MARK3: variants seen among roughly 807,000 people sequenced by gnomAD.
The protein encoded by MARK3 is microtubule affinity regulating kinase 3, also known as MAP/microtubule affinity-regulating kinase 3.
In MARK3, 46 loss-of-function variants were observed where a neutral mutation model predicts 90.1. The ratio of observed to expected loss-of-function variants is 0.51; its 90% CI spans 0.40 to 0.65. The LOEUF is 0.65. MARK3 is among the 30% of genes least tolerant of loss of function. The probability of loss-of-function intolerance (pLI) is 0.00; values close to 1 mark genes in which losing one functional copy is unlikely to be tolerated. For missense variants in MARK3, 818 were observed against 947.2 expected (o/e 0.86, Z 1.79); for synonymous variants, 321 against 332.6 (o/e 0.97, Z 0.38).
At chr14:103,491,004 A>G (rs972345423) in intron 14 of MARK3, 16 of 1,288,360 alleles carry the variant, frequency 1.2e-5, no homozygotes, top group African/African-American at 7.6e-5. Flanking sequence ...TTGTACATCT[A>G]CCTGTCGGCT....
chr14:103,475,813 C>T (rs932899240), intron 13 of MARK3, among the ~76,000 whole-genome samples: 12 of 152,026 alleles, frequency 7.9e-5, no homozygotes, highest in Non-Finnish European at 4.4e-5. Context: ...GGCGTGGTGG[C>T]AGGCACCTGT....
intron 4 of MARK3, among the ~76,000 whole-genome samples, chr14:103,450,921 C>A (rs368199718): frequency 5.7e-5 from 3 of 52,638 alleles, no homozygotes; most frequent in East Asian, 6.5e-4. Context: ...TGTGTGTATT[C>A]TTTTTTTTTT....
chr14:103,410,609 G>A (rs2091572984), intron 2 of MARK3, among the ~76,000 whole-genome samples: 1 of 152,180 alleles, frequency 6.6e-6, no homozygotes, highest in Non-Finnish European at 1.5e-5. Flanking sequence ...GCCAAGGCAA[G>A]GAGGATCACT....
intron 3 of MARK3, among the ~76,000 whole-genome samples, chr14:103,442,574 C>G (rs1018167149): frequency 6.6e-6 from 1 of 152,028 alleles, no homozygotes; most frequent in African/African-American, 2.4e-5. Context: ...GGCTATAGTT[C>G]TAATGTAGAG....
chr14:103,426,342 A>G (rs1222745360), intron 2 of MARK3, among the ~76,000 whole-genome samples: 1 of 149,020 alleles, frequency 6.7e-6, no homozygotes, highest in Non-Finnish European at 1.5e-5. Flanking sequence ...GATACAACCC[A>G]CATTTGGGGG....
chr14:103,483,779 C>T (rs1469676971), intron 14 of MARK3, among the ~76,000 whole-genome samples: 2 of 152,194 alleles, frequency 1.3e-5, no homozygotes, highest in Non-Finnish European at 2.9e-5. Flanking sequence ...GGCCAGATTC[C>T]AGGCGTGACT....
chr14:103,407,966 A>G (rs1027922129), intron 2 of MARK3, among the ~76,000 whole-genome samples: 1 of 152,036 alleles, frequency 6.6e-6, no homozygotes, highest in African/African-American at 2.4e-5. Context: ...ATCATTGACA[A>G]ATCCCCTTTC....
intron 17 of MARK3, among the ~76,000 whole-genome samples, chr14:103,502,071 G>A (rs1376937292): frequency 1.3e-5 from 2 of 152,190 alleles, no homozygotes; most frequent in Non-Finnish European, 2.9e-5. Flanking sequence ...ACGGCTTGTG[G>A]CAATAATGAC....
At chr14:103,458,374 G>T (rs558763845) in intron 6 of MARK3, among the ~76,000 whole-genome samples, 4 of 144,080 alleles carry the variant, frequency 2.8e-5, no homozygotes, top group African/African-American at 1.0e-4. Context: ...CAGGAGAATC[G>T]CTTGAACCTG....
intron 2 of MARK3, among the ~76,000 whole-genome samples, chr14:103,407,386 A>G (rs2091366063): frequency 6.6e-6 from 1 of 151,944 alleles, no homozygotes; most frequent in African/African-American, 2.4e-5. Context: ...CTTTTCTCAT[A>G]GCGTATGTTT....
At chr14:103,442,958 C>T (rs1225389389) in intron 3 of MARK3, among the ~76,000 whole-genome samples, 1 of 149,900 alleles carries the variant, frequency 6.7e-6, no homozygotes, top group Non-Finnish European at 1.5e-5. Flanking sequence ...CCCCTCCCAC[C>T]GACAAGGAAG....
intron 1 of MARK3, 25 bp from the exon 2 acceptor site, chr14:103,405,051 T>C (rs748177952): frequency 2.4e-5 from 39 of 1,594,606 alleles, no homozygotes; most frequent in Non-Finnish European, 3.2e-5. Flanking sequence ...CTCATTTCCT[T>C]ATCTTTGTGT....
At chr14:103,408,525 CAA>C (rs2091448658) in intron 2 of MARK3, among the ~76,000 whole-genome samples, 1 of 152,138 alleles carries the variant, frequency 6.6e-6, no homozygotes, top group South Asian at 2.1e-4. Context: ...GCTTTTAAAA[CAA>C]ATGCTCTCCC....
intron 2 of MARK3, among the ~76,000 whole-genome samples, chr14:103,409,986 T>TA (rs2091537836): frequency 6.6e-6 from 1 of 152,218 alleles, no homozygotes; most frequent in South Asian, 2.1e-4. Flanking sequence ...GACATTGTAA[T>TA]AGATACTACT....
intron 14 of MARK3, among the ~76,000 whole-genome samples, chr14:103,486,378 G>A (rs1012947351): frequency 2.6e-5 from 4 of 151,924 alleles, no homozygotes; most frequent in Admixed American, 2.6e-4. Flanking sequence ...GATGGAGGTT[G>A]TAGTGAGCCG....
At chr14:103,425,483 G>A (rs772008447) in intron 2 of MARK3, among the ~76,000 whole-genome samples, 2 of 151,670 alleles carry the variant, frequency 1.3e-5, no homozygotes, top group Non-Finnish European at 2.9e-5. Flanking sequence ...GGCTGGTCTC[G>A]AACTCCTGAC....
At chr14:103,405,576 T>C (rs576915901) in intron 2 of MARK3, among the ~76,000 whole-genome samples, 35 of 151,798 alleles carry the variant, frequency 2.3e-4, no homozygotes, top group Non-Finnish European at 4.3e-4. Context: ...CTCCTGACCT[T>C]GTGATCCGCC....
chr14:103,472,230 T>C (rs1469523669), intron 12 of MARK3, among the ~76,000 whole-genome samples: 2 of 133,948 alleles, frequency 1.5e-5, no homozygotes, highest in Non-Finnish European at 3.3e-5. Context: ...AAAAAAAAGA[T>C]GTAAATAAAA....
chr14:103,428,245 G>C (rs2092472966), intron 2 of MARK3, 142 bp from the exon 3 acceptor site: 2 of 527,628 alleles, frequency 3.8e-6, no homozygotes, highest in Non-Finnish European at 6.8e-6. Flanking sequence ...AGTTACAATT[G>C]CTTATTGTAA....
Sources: allele counts gnomAD v4.1 joint callset (sites outside exome capture counted in the v4.1 genomes callset), GRCh38; gene constraint gnomAD v4.1.1; transcripts MANE v1.5; gene names NCBI Gene and HGNC (gene_info 2026-07-23, HGNC 2026-07-21).